Variants in CNBD1 observed in about 807,000 individuals in gnomAD.
CNBD1 encodes cyclic nucleotide binding domain containing 1.
CNBD1 carries 71 observed loss-of-function variants against 54.4 expected under a neutral mutation model. The observed-to-expected ratio is 1.30, with a 90% CI of 1.08 to 1.59. The LOEUF is 1.59. Ranked by LOEUF, CNBD1 falls within the 40% of genes most tolerant of loss-of-function variation. The pLI is 0.00. For missense variants in CNBD1, 659 were observed against 518.0 expected (o/e 1.27, Z -2.64); for synonymous variants, 182 against 170.7 (o/e 1.07, Z -0.51).
chr8:87,162,480 ATGC>A (rs1812877870), intron 4 of CNBD1, among the ~76,000 whole-genome samples: 1 of 152,122 alleles, frequency 6.6e-6, no homozygotes. Flanking sequence ...TTTTAAAATG[ATGC>A]TGATGATAAT....
At chr8:86,947,406 G>A (rs528181431) in intron 4 of CNBD1, among the ~76,000 whole-genome samples, 2 of 152,136 alleles carry the variant, frequency 1.3e-5, no homozygotes, top group South Asian at 4.1e-4. Flanking sequence ...TTCCAAATGA[G>A]CCACTAAATT....
At chr8:87,133,589 G>T (rs954357044) in intron 4 of CNBD1, among the ~76,000 whole-genome samples, 8 of 152,000 alleles carry the variant, frequency 5.3e-5, no homozygotes, top group Non-Finnish European at 7.4e-5. Flanking sequence ...TTCCCTTCGG[G>T]CCCTTCTGTG....
chr8:86,911,624 A>C (rs1423495081), intron 3 of CNBD1, among the ~76,000 whole-genome samples: 1 of 152,210 alleles, frequency 6.6e-6, no homozygotes, highest in African/African-American at 2.4e-5. Flanking sequence ...GCTATTTTGA[A>C]ATATACAGTA....
chr8:86,918,530 C>T (rs1424697639), intron 3 of CNBD1, among the ~76,000 whole-genome samples: 1 of 151,882 alleles, frequency 6.6e-6, no homozygotes, highest in African/African-American at 2.4e-5. Flanking sequence ...ATCATGGGAG[C>T]CGTTTCCCCC....
At chr8:86,890,792 AG>A (rs1808756980) in intron 2 of CNBD1, among the ~76,000 whole-genome samples, 2 of 152,206 alleles carry the variant, frequency 1.3e-5, no homozygotes, top group East Asian at 3.9e-4. Flanking sequence ...AACAGATATG[AG>A]GTAATATCTC....
chr8:87,347,374 G>A lies in CNBD1; in HGVS notation c.1043-4311G>A, dbSNP rs563894413. 8.6e-4 allele frequency among the ~76,000 whole-genome samples: 131 copies of A among 152,254 alleles called. 1 individual carries two copies. The highest frequency in any genetic ancestry group is 3.1e-3 in the African/African-American group (130 of 41,540). On this transcript the variant is annotated intron_variant, in intron 8 of 10. Transcript: ENST00000518476. ...TTCTTCCAACAAATATTTGTTGAGT[G>A]CCTATATGTAGATACATAAGTGAAC...
At chr8:87,089,488 G>T (rs1461458436) in intron 4 of CNBD1, among the ~76,000 whole-genome samples, 1 of 152,062 alleles carries the variant, frequency 6.6e-6, no homozygotes, top group Non-Finnish European at 1.5e-5. Flanking sequence ...AATTGACTTG[G>T]CAAGACATTG....
At chr8:87,357,725 C>CTGTTGGGAA (rs1216458086) in intron 10 of CNBD1, among the ~76,000 whole-genome samples, 1 of 151,970 alleles carries the variant, frequency 6.6e-6, no homozygotes, top group Non-Finnish European at 1.5e-5. Flanking sequence ...GACCAGGGGA[C>CTGTTGGGAA]TGTTGGGAAG....
chr8:87,083,378 TA>T (rs1811034184), intron 4 of CNBD1, among the ~76,000 whole-genome samples: 1 of 152,094 alleles, frequency 6.6e-6, no homozygotes, highest in Non-Finnish European at 1.5e-5. Flanking sequence ...TGTCATCTAT[TA>T]CCTCTATGGG....
intron 8 of CNBD1, among the ~76,000 whole-genome samples, chr8:87,329,069 G>T (rs976364606): frequency 6.6e-6 from 1 of 151,322 alleles, no homozygotes; most frequent in Non-Finnish European, 1.5e-5. Context: ...TTAAATTTAG[G>T]TCTGTTATCT....
At chr8:87,365,856 A>G (rs1255426397) in intron 10 of CNBD1, among the ~76,000 whole-genome samples, 2 of 152,104 alleles carry the variant, frequency 1.3e-5, no homozygotes, top group African/African-American at 2.4e-5. Flanking sequence ...AAGCATTTAC[A>G]AAGGAATTTT....
chr8:86,981,908 T>C (rs752337293), intron 4 of CNBD1, among the ~76,000 whole-genome samples: 2 of 152,218 alleles, frequency 1.3e-5, no homozygotes, highest in Non-Finnish European at 2.9e-5. Flanking sequence ...CTGTTCACAG[T>C]TGTACTCTGG....
chr8:86,968,456 A>C (rs1158626586), intron 4 of CNBD1, among the ~76,000 whole-genome samples: 1 of 152,198 alleles, frequency 6.6e-6, no homozygotes, highest in Admixed American at 6.5e-5. Context: ...CAAGACAATC[A>C]AAATCTGAAT....
intron 6 of CNBD1, among the ~76,000 whole-genome samples, chr8:87,280,706 C>T (rs1012376507): frequency 3.3e-5 from 5 of 151,300 alleles, no homozygotes; most frequent in Non-Finnish European, 5.9e-5. Context: ...CAGTTTAGAA[C>T]AAATCTCAAC....
chr8:87,409,078 A>G (rs111337722), intron 2 of CNBD1, among the ~76,000 whole-genome samples: 2,287 of 152,312 alleles, frequency 0.015, 59 homozygotes, highest in African/African-American at 0.049. Flanking sequence ...TGTAGAAATG[A>G]TTAAGCTTAA....
At chr8:87,029,228 A>G (rs1225801802) in intron 4 of CNBD1, among the ~76,000 whole-genome samples, 1 of 152,138 alleles carries the variant, frequency 6.6e-6, no homozygotes, top group Non-Finnish European at 1.5e-5. Context: ...GTGTGTTCCA[A>G]TTAAAAGTAT....
chr8:86,956,750 A>T (rs559895517), intron 4 of CNBD1, among the ~76,000 whole-genome samples: 1 of 152,286 alleles, frequency 6.6e-6, no homozygotes, highest in South Asian at 2.1e-4. Flanking sequence ...GGGTTTTTAT[A>T]AATATACAAT....
At chr8:87,027,207 T>A (rs897589879) in intron 4 of CNBD1, among the ~76,000 whole-genome samples, 1 of 152,052 alleles carries the variant, frequency 6.6e-6, no homozygotes, top group Non-Finnish European at 1.5e-5. Flanking sequence ...CAATAGGTAA[T>A]GCAATGAAGA....
At chr8:87,279,040 A>C (rs1585979178) in intron 6 of CNBD1, among the ~76,000 whole-genome samples, 1 of 151,364 alleles carries the variant, frequency 6.6e-6, no homozygotes, top group Admixed American at 6.6e-5. Context: ...CTATTTAATT[A>C]ATAGTTATTT....
Sources: allele counts gnomAD v4.1 joint callset (sites outside exome capture counted in the v4.1 genomes callset), GRCh38; gene constraint gnomAD v4.1.1; transcripts MANE v1.5; gene names NCBI Gene and HGNC (gene_info 2026-07-23, HGNC 2026-07-21).